Variants in MYO15B observed in about 807,000 individuals in gnomAD.
The protein encoded by MYO15B is myosin XVB.
Under a neutral mutation model 119.3 loss-of-function variants are expected in MYO15B, and 207 were observed. That is an observed-to-expected ratio of 1.73 (90% CI 1.55 to 1.95). MYO15B has a LOEUF of 1.95. Among genes scored for constraint, MYO15B ranks in the 30% most tolerant of loss-of-function variants. The pLI is 0.00. For synonymous variants in MYO15B, 966 were observed against 498.9 expected (o/e 1.94, Z -12.48); for missense variants, 2,264 against 1,203.1 (o/e 1.88, Z -13.04).
At position 75,625,513 on chromosome 17, in the gene MYO15B, G is replaced by C; in HGVS notation, c.8805-14G>C. On this transcript the variant is annotated splice_polypyrimidine_tract_variant and intron_variant, in intron 60 of 63. Coordinates refer to ENST00000645453, the Ensembl canonical transcript of MYO15B. Reference sequence around the variant, plus strand: ...GTGGTCAGGGGCCAAACTGACCCTGGTCACACATCCTAGGCAGGACCTGCT... The same window carrying C: ...GTGGTCAGGGGCCAAACTGACCCTGCTCACACATCCTAGGCAGGACCTGCT... 1.4e-6 allele frequency: 1 copy of C among 703,056 alleles called. No individual in the cohort carries two copies. The highest frequency in any genetic ancestry group is 2.7e-5 in the East Asian group (1 of 37,288). 43.6% of individuals were successfully genotyped at this position (703,056 alleles called of 1,614,324 possible).
chr17:75,592,616 C>T, intron 8 of MYO15B, 63 bp from the exon 9 acceptor site: 2 of 648,698 alleles, frequency 3.1e-6, no homozygotes, highest in Non-Finnish European at 5.6e-6. Context: ...TGAGGAGTAG[C>T]CGGAGTAGAG....
chr17:75,604,085 G>C (rs2057460369), intron 19 of MYO15B, among the ~76,000 whole-genome samples: 1 of 152,186 alleles, frequency 6.6e-6, no homozygotes, highest in South Asian at 2.1e-4. Context: ...GGGGGACTGA[G>C]CAAAAGGCAG....
intron 31 of MYO15B, 22 bp downstream of exon 31, chr17:75,614,705 G>A (rs1254148959): frequency 5.7e-6 from 4 of 702,640 alleles, no homozygotes; most frequent in Non-Finnish European, 1.0e-5. Context: ...GTGGGCACAT[G>A]GAGGTTGGCA....
At chr17:75,621,835 C>G in intron 52 of MYO15B, 169 bp from the exon 53 acceptor site, 1 of 612,332 alleles carries the variant, frequency 1.6e-6, no homozygotes, top group Non-Finnish European at 2.9e-6. Context: ...ACCCAGGAGC[C>G]TCAGTTTCCC....
chr17:75,615,293 C>T, exon 34 of MYO15B: 1 of 702,774 alleles, frequency 1.4e-6, no homozygotes, highest in South Asian at 1.5e-5. Context: ...GGTCCCTGCA[C>T]CCATGCCCAT....
At chr17:75,623,380 G>A (rs1181962622) in intron 53 of MYO15B, among the ~76,000 whole-genome samples, 2 of 152,154 alleles carry the variant, frequency 1.3e-5, no homozygotes, top group Admixed American at 1.3e-4. Flanking sequence ...TGTAATCCCA[G>A]CACTTTGGGA....
intron 49 of MYO15B, 161 bp from the exon 50 acceptor site, chr17:75,620,870 G>A (rs1360798367): frequency 1.4e-6 from 1 of 701,746 alleles, no homozygotes; most frequent in Non-Finnish European, 2.6e-6. Flanking sequence ...GTGGTACTTA[G>A]TTCAAGGCTG....
At position 75,624,754 on chromosome 17, in the gene MYO15B, C is replaced by T. The variant is rs779408767; in HGVS notation, c.8543-17C>T. The T allele has an allele frequency of 5.7e-6, 4 of 702,724 alleles. No homozygotes were observed. The highest frequency in any genetic ancestry group is 4.0e-5 in the Admixed American group (2 of 50,010). 43.5% of individuals were successfully genotyped at this position (702,724 alleles called of 1,614,324 possible). A position where few individuals can be genotyped will look rare whatever the true frequency, so the allele number is the denominator to read the frequency against. ...GTGTGTGGTCTGAGCAGCAGTGGAC[C>T]TAGGCTCCCCATGCAGGCCAGCTGG... On this transcript the variant is annotated splice_polypyrimidine_tract_variant and intron_variant, in intron 58 of 63. Coordinates refer to ENST00000645453, the Ensembl canonical transcript of MYO15B.
At chr17:75,613,634 C>T (rs1410256514) in intron 28 of MYO15B, 71 bp from the exon 29 acceptor site, 3 of 682,490 alleles carry the variant, frequency 4.4e-6, no homozygotes, top group Non-Finnish European at 8.0e-6. Context: ...CTCATGGGGA[C>T]AGCAGCCCCT....
chr17:75,619,156 C>G (rs2058553473), exon 44 of MYO15B: 1 of 702,930 alleles, frequency 1.4e-6, no homozygotes, highest in Non-Finnish European at 2.6e-6. Flanking sequence ...CTACGGGACA[C>G]CTTCTCCGAG....
At chr17:75,594,326 G>T (rs1163772342) in intron 9 of MYO15B, 149 bp from the exon 10 acceptor site, 6 of 504,646 alleles carry the variant, frequency 1.2e-5, no homozygotes, top group African/African-American at 9.8e-5. Context: ...GAAAACCATA[G>T]CCTCGCTCCT....
intron 14 of MYO15B, among the ~76,000 whole-genome samples, chr17:75,598,592 G>T (rs939015713): frequency 4.6e-5 from 7 of 151,110 alleles, no homozygotes; most frequent in Admixed American, 1.3e-4. Flanking sequence ...AAATGTTATT[G>T]TAATAGTTCG....
At chr17:75,609,019 A>G (rs1394788111) in intron 21 of MYO15B, among the ~76,000 whole-genome samples, 1 of 151,984 alleles carries the variant, frequency 6.6e-6, no homozygotes, top group Non-Finnish European at 1.5e-5. Context: ...GGCGTGAGCC[A>G]CCACGCCTGG....
In MYO15B at chr17:75,610,616, C is replaced by T. The variant is rs2057965684; in HGVS notation, c.4387-284C>T. Reference sequence around the variant, plus strand: ...CAAAGGTCAATGCCCACGTGCTACCCCCTCTCTGGCCCCTCCCTGGCTGGA... The same window carrying T: ...CAAAGGTCAATGCCCACGTGCTACCTCCTCTCTGGCCCCTCCCTGGCTGGA... On this transcript the variant is annotated intron_variant, in intron 22 of 63. Transcript: ENST00000645453. 6 of 550,086 alleles carry T rather than the reference C, an allele frequency of 1.1e-5. No individual in the cohort carries two copies. The East Asian group carries it at 1.5e-4, about 13-fold the overall frequency. 34.1% of individuals were successfully genotyped at this position (550,086 alleles called of 1,614,324 possible).
intron 19 of MYO15B, among the ~76,000 whole-genome samples, chr17:75,603,940 C>T (rs1661700): frequency 0.17 from 26,367 of 152,108 alleles, 3,709 homozygotes; most frequent in African/African-American, 0.39. Flanking sequence ...AGTCACTTCT[C>T]GTTGATGTCC....
exon 58 of MYO15B, chr17:75,624,629 C>A: frequency 1.4e-6 from 1 of 702,926 alleles, no homozygotes; most frequent in East Asian, 2.7e-5. Context: ...TCTTCCTCAT[C>A]AAAGAGAAGA....
In MYO15B at chr17:75,606,041, A is replaced by G; in HGVS notation, c.4292+20A>G. On this transcript the variant is annotated intron_variant, in intron 21 of 63. Transcript: ENST00000645453. ...GGCCAGGTCTGCAGGCGTTGGAGCCAGGGCTGAAGTGGGTGGGGTGAGGCC... is the reference window on the plus strand; with the variant it reads ...GGCCAGGTCTGCAGGCGTTGGAGCCGGGGCTGAAGTGGGTGGGGTGAGGCC... The G allele has an allele frequency of 1.5e-6, 1 of 671,162 alleles. No homozygotes were observed. The highest frequency in any genetic ancestry group is 2.8e-6 in the Non-Finnish European group (1 of 363,510). 41.6% of individuals were successfully genotyped at this position (671,162 alleles called of 1,614,324 possible).
At chr17:75,595,831 G>A (rs1324670868) in intron 12 of MYO15B, among the ~76,000 whole-genome samples, 1 of 152,210 alleles carries the variant, frequency 6.6e-6, no homozygotes, top group Non-Finnish European at 1.5e-5. Flanking sequence ...CTTTACAGAG[G>A]ATCCTGCCGC....
In MYO15B at chr17:75,606,415, A is replaced by G. The variant is rs999347987; in HGVS notation, c.4292+394A>G. 3.7e-4 allele frequency among the ~76,000 whole-genome samples: 56 copies of G among 151,822 alleles called. 2 individuals carry two copies. The highest frequency in any genetic ancestry group is 1.2e-3 in the Admixed American group (18 of 15,242). ...CTGCAACCTCTGCCCCCTGGGTTCA[A>G]GTGATTCGCCTGCCTCAGCCTCCCG... On this transcript the variant is annotated intron_variant, in intron 21 of 63. Transcript: ENST00000645453.
Sources: gnomAD v4.1 joint callset for allele counts (sites outside exome capture counted in the v4.1 genomes callset) on GRCh38, gnomAD v4.1.1 for gene constraint, MANE v1.5 for transcripts, NCBI Gene and HGNC (gene_info 2026-07-23, HGNC 2026-07-21) for gene names.